PXDNL: variants seen among roughly 807,000 people sequenced by gnomAD.
The protein encoded by PXDNL is peroxidasin like, also known as probable oxidoreductase PXDNL.
In PXDNL, 145 loss-of-function variants were observed where a neutral mutation model predicts 150.8. The observed-to-expected ratio is 0.96, with a 90% CI of 0.84 to 1.10. The LOEUF (loss-of-function observed/expected upper bound fraction) is 1.10. PXDNL is among the 50% of genes least tolerant of loss of function. The pLI is 0.00. For synonymous variants in PXDNL, 757 were observed against 725.7 expected, an observed-to-expected ratio of 1.04 and a Z score of -0.69; for missense variants, 2,087 against 1,873.9, an observed-to-expected ratio of 1.11 and a Z score of -2.10.
intron 5 of PXDNL, among the ~76,000 whole-genome samples, chr8:51,493,213 C>T (rs1300579520): frequency 1.3e-5 from 2 of 152,206 alleles, no homozygotes; most frequent in African/African-American, 4.8e-5. Context: ...AGACCTGCAG[C>T]TGAGGGTCCT....
intron 3 of PXDNL, among the ~76,000 whole-genome samples, chr8:51,561,029 T>C (rs1048249044): frequency 2.0e-5 from 3 of 151,910 alleles, no homozygotes; most frequent in African/African-American, 7.2e-5. Flanking sequence ...AATTCACTAA[T>C]CATTAGTGAA....
chr8:51,576,766 C>A lies in PXDNL; in HGVS notation c.308+15861G>T, dbSNP rs1304026827. 2.0e-5 allele frequency among the ~76,000 whole-genome samples: 3 copies of A among 151,544 alleles called. No individual in the cohort carries two copies. The East Asian group carries it at 5.8e-4, about 30-fold the overall frequency. ...ATTAATAAAATTGAAAAACCTCTAC[C>A]AAGACTGACAAAGAACAAAAGAGAG... is the stretch of plus-strand genomic sequence containing the variant. On this transcript the variant is annotated intron_variant, in intron 3 of 22. Coordinates refer to ENST00000356297, the MANE Select transcript of PXDNL (RefSeq NM_144651.5).
At chr8:51,783,899 T>C (rs892709733) in intron 1 of PXDNL, among the ~76,000 whole-genome samples, 5 of 152,218 alleles carry the variant, frequency 3.3e-5, no homozygotes, top group African/African-American at 1.2e-4. Flanking sequence ...AGGGCTAAAA[T>C]TATGTTTTTA....
chr8:51,452,934 A>G (rs1809838809), intron 10 of PXDNL, among the ~76,000 whole-genome samples: 2 of 132,138 alleles, frequency 1.5e-5, no homozygotes, highest in African/African-American at 3.1e-5. Context: ...GCACACACAC[A>G]AACACACACA....
intron 1 of PXDNL, among the ~76,000 whole-genome samples, chr8:51,770,162 C>A (rs141714885): frequency 6.6e-6 from 1 of 152,212 alleles, no homozygotes; most frequent in East Asian, 1.9e-4. Flanking sequence ...TCCAAGGAGA[C>A]AGATTTGAGA....
chr8:51,379,782 T>G (rs1435716824), intron 17 of PXDNL, among the ~76,000 whole-genome samples: 1 of 152,196 alleles, frequency 6.6e-6, no homozygotes. Flanking sequence ...AGTTAAAATT[T>G]TGCCTCTCAG....
intron 17 of PXDNL, among the ~76,000 whole-genome samples, chr8:51,405,102 G>A (rs1467354945): frequency 6.6e-6 from 1 of 152,196 alleles, no homozygotes; most frequent in African/African-American, 2.4e-5. Context: ...CACTGGGAGT[G>A]CGGGGCCCAC....
At chr8:51,413,075 A>T (rs1254135247) in intron 15 of PXDNL, 75 bp downstream of exon 15, 2 of 880,498 alleles carry the variant, frequency 2.3e-6, no homozygotes, top group Non-Finnish European at 3.8e-6. Context: ...CTATAATGTG[A>T]CTTATGGAGA....
intron 10 of PXDNL, among the ~76,000 whole-genome samples, chr8:51,452,684 T>C (rs1389685272): frequency 2.6e-5 from 4 of 152,202 alleles, no homozygotes; most frequent in African/African-American, 9.7e-5. Flanking sequence ...AGTGTTTTGG[T>C]AGATAACATC....
At chr8:51,597,266 T>A (rs1813590925) in intron 2 of PXDNL, among the ~76,000 whole-genome samples, 1 of 152,184 alleles carries the variant, frequency 6.6e-6, no homozygotes, top group Non-Finnish European at 1.5e-5. Context: ...GGTCTATGTG[T>A]CTGTTTTTGT....
chr8:51,745,165 A>G (rs1046572767), intron 1 of PXDNL, among the ~76,000 whole-genome samples: 6 of 152,320 alleles, frequency 3.9e-5, no homozygotes, highest in Admixed American at 3.9e-4. Flanking sequence ...GCTTACTTTG[A>G]GAAAATACCA....
intron 4 of PXDNL, among the ~76,000 whole-genome samples, chr8:51,510,647 A>T (rs1425929096): frequency 1.3e-5 from 2 of 152,154 alleles, no homozygotes; most frequent in Non-Finnish European, 2.9e-5. Flanking sequence ...CAGGCCTGAG[A>T]CATGACCTAA....
At chr8:51,331,222 G>A (rs541653165) in intron 21 of PXDNL, among the ~76,000 whole-genome samples, 30 of 152,278 alleles carry the variant, frequency 2.0e-4, no homozygotes, top group African/African-American at 7.2e-4. Flanking sequence ...AGAAGCTTAA[G>A]GTCTGTTTGT....
chr8:51,733,311 T>C (rs1393334225), intron 1 of PXDNL, among the ~76,000 whole-genome samples: 1 of 152,252 alleles, frequency 6.6e-6, no homozygotes, highest in African/African-American at 2.4e-5. Flanking sequence ...AGTTTAAGGC[T>C]ATGGGCTTCC....
intron 17 of PXDNL, among the ~76,000 whole-genome samples, chr8:51,406,532 T>C (rs2130880599): frequency 6.6e-6 from 1 of 152,202 alleles, no homozygotes; most frequent in East Asian, 1.9e-4. Flanking sequence ...TTAAAACCCG[T>C]CCCCTATTAC....
chr8:51,422,671 A>G (rs989664208), intron 14 of PXDNL, among the ~76,000 whole-genome samples: 7 of 152,374 alleles, frequency 4.6e-5, no homozygotes, highest in Non-Finnish European at 1.0e-4. Flanking sequence ...AAAGCTGAGC[A>G]AAGCCCAAAA....
Position 51,704,307 on chromosome 8 carries a change from T to C in PXDNL, c.165-49547A>G, listed in dbSNP as rs147821755. Among the ~76,000 whole-genome samples the C allele has an allele frequency of 1.1e-3, 174 of 152,348 alleles. 1 individual carries two copies. Among genetic ancestry groups the C allele is most frequent in the African/African-American group, 4.0e-3 (165 of 41,578 alleles). On this transcript the variant is annotated intron_variant, in intron 1 of 22. Coordinates refer to ENST00000356297, the MANE Select transcript of PXDNL (RefSeq NM_144651.5). ...TTCAGGAGTCATTTATGTGGATGTG[T>C]GTAGTAGCAGTTCATTTATTTTTTA...
intron 5 of PXDNL, among the ~76,000 whole-genome samples, chr8:51,492,338 T>C (rs1461684554): frequency 1.3e-5 from 2 of 152,146 alleles, no homozygotes; most frequent in Non-Finnish European, 2.9e-5. Context: ...AGCTCCAGTC[T>C]ACAGTTCCCA....
intron 2 of PXDNL, among the ~76,000 whole-genome samples, chr8:51,613,826 G>A (rs926447622): frequency 3.9e-5 from 6 of 152,130 alleles, no homozygotes; most frequent in African/African-American, 7.2e-5. Context: ...GGTTGAATAC[G>A]CATTGCTTAA....
Sources: gnomAD v4.1 joint callset for allele counts (sites outside exome capture counted in the v4.1 genomes callset) on GRCh38, gnomAD v4.1.1 for gene constraint, MANE v1.5 for transcripts, NCBI Gene and HGNC (gene_info 2026-07-23, HGNC 2026-07-21) for gene names.